PDE3B: variants seen among roughly 807,000 people sequenced by gnomAD.
PDE3B encodes the protein cGMP-inhibited 3',5'-cyclic phosphodiesterase 3B.
Under a neutral mutation model 116.8 loss-of-function variants are expected in PDE3B, and 66 were observed. The ratio of observed to expected loss-of-function variants is 0.56; its 90% CI spans 0.46 to 0.69. The LOEUF (loss-of-function observed/expected upper bound fraction) is 0.69, where lower values mean the gene tolerates loss of function less well. PDE3B is among the 30% of genes least tolerant of loss of function. The probability of loss-of-function intolerance (pLI) is 0.00; values close to 1 mark genes in which losing one functional copy is unlikely to be tolerated. For synonymous variants in PDE3B, 595 were observed against 533.6 expected (o/e 1.12, Z -1.59); for missense variants, 1,384 against 1,368.1 (o/e 1.01, Z -0.18).
At chr11:14,666,226 C>G (rs1431491812) in intron 1 of PDE3B, among the ~76,000 whole-genome samples, 2 of 148,076 alleles carry the variant, frequency 1.4e-5, no homozygotes, top group African/African-American at 2.5e-5. Flanking sequence ...AACTGGCTAG[C>G]CATATGTAGA....
chr11:14,661,102 A>T (rs1853889823), intron 1 of PDE3B, among the ~76,000 whole-genome samples: 1 of 152,238 alleles, frequency 6.6e-6, no homozygotes. Flanking sequence ...ATTGTAGAAG[A>T]CAGTGTGACG....
chr11:14,774,075 A>G (rs972399106), intron 2 of PDE3B: 6 of 152,160 alleles, frequency 3.9e-5, no homozygotes, highest in Non-Finnish European at 7.3e-5. Context: ...GAAAATTCCT[A>G]GAGGGAAAAG....
At chr11:14,806,964 C>T (rs557043413) in intron 5 of PDE3B, among the ~76,000 whole-genome samples, 5 of 151,786 alleles carry the variant, frequency 3.3e-5, no homozygotes, top group Non-Finnish European at 7.4e-5. Flanking sequence ...TTTGCAGGGA[C>T]GTGGATGAAG....
chr11:14,764,767 A>G (rs1857450599), intron 1 of PDE3B, among the ~76,000 whole-genome samples: 1 of 152,020 alleles, frequency 6.6e-6, no homozygotes, highest in Non-Finnish European at 1.5e-5. Context: ...GGTACACAGC[A>G]TGCAGTTTAA....
At chr11:14,816,969 T>C (rs1211843465) in intron 5 of PDE3B, among the ~76,000 whole-genome samples, 1 of 152,198 alleles carries the variant, frequency 6.6e-6, no homozygotes, top group Non-Finnish European at 1.5e-5. Flanking sequence ...GTCATGCTGC[T>C]GTAAAGACAC....
At chr11:14,809,688 A>T (rs1402419639) in intron 5 of PDE3B, among the ~76,000 whole-genome samples, 2 of 152,118 alleles carry the variant, frequency 1.3e-5, no homozygotes, top group East Asian at 1.9e-4. Flanking sequence ...TGTGAATGAG[A>T]TTAGTGCTCT....
intron 1 of PDE3B, among the ~76,000 whole-genome samples, chr11:14,752,992 C>G (rs1857094625): frequency 6.6e-6 from 1 of 152,022 alleles, no homozygotes; most frequent in African/African-American, 2.4e-5. Flanking sequence ...TGATAAACTA[C>G]TTAGTCTTCA....
At chr11:14,753,968 G>T (rs376098854) in intron 1 of PDE3B, among the ~76,000 whole-genome samples, 4 of 151,858 alleles carry the variant, frequency 2.6e-5, no homozygotes, top group East Asian at 3.9e-4. Flanking sequence ...TAGAGTGAAT[G>T]TGGAAGCTTG....
At chr11:14,683,837 G>T (rs1590059745) in intron 1 of PDE3B, among the ~76,000 whole-genome samples, 1 of 152,098 alleles carries the variant, frequency 6.6e-6, no homozygotes. Context: ...CACTATGCTA[G>T]CTGTGTGCCA....
At chr11:14,878,004 G>A in the PDE3B span, 1 of 1,037,228 alleles carries the variant, frequency 9.6e-7, no homozygotes, top group Non-Finnish European at 1.5e-6. Context: ...ACACATCTGT[G>A]TTCATTTGGC....
At chr11:14,716,191 C>T (rs1377735866) in intron 1 of PDE3B, among the ~76,000 whole-genome samples, 2 of 152,288 alleles carry the variant, frequency 1.3e-5, no homozygotes, top group Non-Finnish European at 1.5e-5. Context: ...CACTCCCACC[C>T]GAATACTGCG....
chr11:14,806,168 T>G (rs951495322), intron 5 of PDE3B, among the ~76,000 whole-genome samples: 1 of 152,056 alleles, frequency 6.6e-6, no homozygotes, highest in African/African-American at 2.4e-5. Flanking sequence ...TTGTAAATCA[T>G]GTGGCTGGGC....
At position 14,666,852 on chromosome 11, in the gene PDE3B, C is replaced by G. The variant is rs867333739; in HGVS notation, c.978+21799C>G. Among the ~76,000 whole-genome samples the G allele has an allele frequency of 2.0e-5, 3 of 152,230 alleles. No homozygotes were observed. In the South Asian group the frequency reaches 6.2e-4, roughly 32 times the overall value. ...CTGTTGGTGGGACTGTAAACTAGTT[C>G]GACCATTGTGGAAGACAGTGTGGCA... On this transcript the variant is annotated intron_variant, in intron 1 of 15. Transcript: ENST00000282096.
chr11:14,756,211 A>G (rs1220871596), intron 1 of PDE3B, among the ~76,000 whole-genome samples: 3 of 152,190 alleles, frequency 2.0e-5, no homozygotes, highest in Admixed American at 2.0e-4. Flanking sequence ...TAAAAAAGAA[A>G]TATGAGAAAT....
chr11:14,724,249 A>G (rs1856212380), intron 1 of PDE3B, among the ~76,000 whole-genome samples: 1 of 152,162 alleles, frequency 6.6e-6, no homozygotes, highest in Admixed American at 6.5e-5. Flanking sequence ...TGGTGAAAAG[A>G]TTTCCTACTT....
At chr11:14,715,376 T>G (rs1163368032) in intron 1 of PDE3B, among the ~76,000 whole-genome samples, 1 of 152,210 alleles carries the variant, frequency 6.6e-6, no homozygotes, top group Non-Finnish European at 1.5e-5. Context: ...ACGATATTGA[T>G]TCTTCCTACC....
intron 11 of PDE3B, among the ~76,000 whole-genome samples, chr11:14,842,621 C>A (rs890978016): frequency 1.3e-5 from 2 of 151,996 alleles, no homozygotes; most frequent in Non-Finnish European, 2.9e-5. Context: ...TAACTCTAGT[C>A]CAAGCTACTC....
chr11:14,755,349 G>T (rs1300955836), intron 1 of PDE3B, among the ~76,000 whole-genome samples: 1 of 152,140 alleles, frequency 6.6e-6, no homozygotes, highest in South Asian at 2.1e-4. Flanking sequence ...CTGTTTAACT[G>T]TGCAATCAAG....
At chr11:14,865,099 TAAAGA>T (rs1482337778) in intron 14 of PDE3B, among the ~76,000 whole-genome samples, 14 of 151,686 alleles carry the variant, frequency 9.2e-5, no homozygotes, top group South Asian at 2.1e-4. Flanking sequence ...GCTAGACTAA[TAAAGA>T]AAAGAGAGAA....
Sources: allele counts gnomAD v4.1 joint callset (sites outside exome capture counted in the v4.1 genomes callset), GRCh38; gene constraint gnomAD v4.1.1; transcripts MANE v1.5; gene names NCBI Gene and HGNC (gene_info 2026-07-23, HGNC 2026-07-21).